The following PDE4C variants were observed in gnomAD, a reference collection of about 807,000 sequenced individuals.
PDE4C encodes 3',5'-cyclic-AMP phosphodiesterase 4C.
Under a neutral mutation model 63.9 loss-of-function variants are expected in PDE4C, and 50 were observed. The ratio of observed to expected loss-of-function variants is 0.78; its 90% confidence interval spans 0.62 to 0.99. The LOEUF (loss-of-function observed/expected upper bound fraction) is 0.99. PDE4C is among the 50% of genes least tolerant of loss of function. The pLI is 0.00. For synonymous variants in PDE4C, 377 were observed against 385.1 expected (o/e 0.98, Z 0.25); for missense variants, 777 against 899.1 (o/e 0.86, Z 1.74).
chr19:18,250,528 A>G (rs922109791), upstream of PDE4C: 1 of 389,912 alleles, frequency 2.6e-6, no homozygotes, highest in Non-Finnish European at 4.5e-6. Flanking sequence ...AGCCTAAGAC[A>G]CCCACCAGGG....
upstream of PDE4C, among the ~76,000 whole-genome samples, chr19:18,238,236 CTCTTT>C (rs1280793600): frequency 4.5e-4 from 68 of 149,540 alleles, no homozygotes; most frequent in African/African-American, 1.7e-3. Context: ...CTCTCTCTCT[CTCTTT>C]TTTTTTTTTT....
chr19:18,250,322 T>C, upstream of PDE4C: 1 of 399,094 alleles, frequency 2.5e-6, no homozygotes, highest in East Asian at 3.6e-5. Context: ...CATGGACACC[T>C]CGTCCAGGTT....
At chr19:18,232,801 G>A in intron 1 of PDE4C, 2 of 969,210 alleles carry the variant, frequency 2.1e-6, no homozygotes, top group Non-Finnish European at 2.9e-6. Context: ...CCACCCCTAC[G>A]TAGAAATAGC....
chr19:18,217,852 G>A (rs1390822601), intron 11 of PDE4C, among the ~76,000 whole-genome samples: 8 of 152,118 alleles, frequency 5.3e-5, no homozygotes, highest in Middle Eastern at 6.8e-3. Flanking sequence ...AGCCGAAATC[G>A]CGCCACTGCA....
At position 18,213,756 on chromosome 19, in the gene PDE4C, C is replaced by T. The variant is rs111372500; in HGVS notation, c.1390-266G>A. 1.2e-4 allele frequency among the ~76,000 whole-genome samples: 18 copies of T among 152,224 alleles called. 1 individual carries two copies. The highest frequency in any genetic ancestry group is 4.1e-4 in the African/African-American group (17 of 41,542). On this transcript the variant is annotated intron_variant, in intron 12 of 14. Transcript: ENST00000262805. ...TAGTGGGGAGGTGATCAAATCTGTG[C>T]GCCTGGGACTTGTCAGACAGAGTCT...
intron 1 of PDE4C, among the ~76,000 whole-genome samples, chr19:18,239,892 G>A (rs1359843906): frequency 2.6e-5 from 4 of 151,938 alleles, no homozygotes; most frequent in Non-Finnish European, 5.9e-5. Context: ...CGAGCATGGC[G>A]CTTTGCACCT....
intron 1 of PDE4C, chr19:18,224,455 A>C (rs571906206): frequency 3.0e-6 from 3 of 985,588 alleles, no homozygotes; most frequent in South Asian, 9.4e-5. Flanking sequence ...CATTCGGTCC[A>C]AGTATGACCG....
upstream of PDE4C, among the ~76,000 whole-genome samples, chr19:18,226,800 C>G (rs1165373795): frequency 6.6e-6 from 1 of 151,802 alleles, no homozygotes; most frequent in Admixed American, 6.6e-5. Context: ...ATGGGGGTGT[C>G]TCTTTATGTT....
rs531068447 is a variant in PDE4C at position 18,246,923 on chromosome 19, T to C, written c.-210+1248A>G. Among the ~76,000 whole-genome samples, 8 of 152,172 alleles carry C rather than the reference T, an allele frequency of 5.3e-5. No individual in the cohort carries two copies. The South Asian group carries it at 1.7e-3, about 32-fold the overall frequency. On this transcript the variant is annotated intron_variant, in intron 1 of 15. Coordinates refer to the PDE4C transcript ENST00000594617. ...GCCTGGGCGACAGAGTGAGACCCTG[T>C]CTAAAAAACAAAACAAAACAACAAC... is the stretch of plus-strand genomic sequence containing the variant.
chr19:18,224,278 C>T (rs1319413745), intron 1 of PDE4C: 1 of 985,526 alleles, frequency 1.0e-6, no homozygotes, highest in African/African-American at 1.7e-5. Context: ...GCGGCACCGA[C>T]AGGAAGACAA....
At chr19:18,252,553 C>G (rs1027171786), upstream of PDE4C, 10 of 398,044 alleles carry the variant, frequency 2.5e-5, no homozygotes, top group Non-Finnish European at 4.4e-5. Flanking sequence ...TCACTTGAAC[C>G]CAGGAATTAG....
At chr19:18,252,015 TG>T (rs1321388465), upstream of PDE4C, 2 of 398,494 alleles carry the variant, frequency 5.0e-6, no homozygotes, top group African/African-American at 4.1e-5. Flanking sequence ...AACTGCAGCC[TG>T]TTACACCCGC....
chr19:18,250,262 C>A (rs145561122), upstream of PDE4C: 7 of 398,974 alleles, frequency 1.8e-5, no homozygotes, highest in African/African-American at 2.1e-5. Context: ...GCAGCTCCCC[C>A]AACCATGCCT....
At chr19:18,248,729 C>G (rs1485151601), upstream of PDE4C, among the ~76,000 whole-genome samples, 1 of 152,108 alleles carries the variant, frequency 6.6e-6, no homozygotes, top group East Asian at 1.9e-4. Context: ...GATCAAAGAC[C>G]CTCTCTGGTC....
exon 15 of PDE4C, chr19:18,210,840 C>T: frequency 6.6e-7 from 1 of 1,505,318 alleles, no homozygotes; most frequent in Non-Finnish European, 8.9e-7. Flanking sequence ...GAAGCAGGAG[C>T]CACATGGAGC....
chr19:18,221,052 G>GCCAGGCCCCCCCCCCCCC, intron 4 of PDE4C, 53 bp downstream of exon 4: 1 of 1,245,310 alleles, frequency 8.0e-7, no homozygotes, highest in Non-Finnish European at 1.1e-6. Flanking sequence ...CCCGCTTTCC[G>GCCAGGCCCCCCCCCCCCC]CCCACCTTGT....
chr19:18,209,491 C>G (rs933127810), downstream of PDE4C: 2 of 151,160 alleles, frequency 1.3e-5, no homozygotes, highest in African/African-American at 4.9e-5. Context: ...CCTCGTGATC[C>G]ACCCGCCTCG....
chr19:18,211,143 G>A (rs868304717), exon 15 of PDE4C: 1 of 1,614,118 alleles, frequency 6.2e-7, no homozygotes, highest in Middle Eastern at 1.6e-4. Flanking sequence ...GAGGTCTGAG[G>A]GACTTCGGGG....
intron 1 of PDE4C, among the ~76,000 whole-genome samples, chr19:18,225,167 A>C (rs7251661): frequency 8.6e-5 from 13 of 151,824 alleles, no homozygotes; most frequent in Non-Finnish European, 1.6e-4. Flanking sequence ...GCGGGGGTAG[A>C]GCCCCCCGGC....
Sources: gnomAD v4.1 joint callset for allele counts (sites outside exome capture counted in the v4.1 genomes callset) on GRCh38, gnomAD v4.1.1 for gene constraint, MANE v1.5 for transcripts, NCBI Gene and HGNC (gene_info 2026-07-23, HGNC 2026-07-21) for gene names.